GK5: variants seen among roughly 807,000 people sequenced by gnomAD.
GK5 encodes ATP:glycerol 3-phosphotransferase 5.
In GK5, 39 loss-of-function variants were observed where a neutral mutation model predicts 77.3. The ratio of observed to expected loss-of-function variants is 0.50; its 90% CI spans 0.39 to 0.66. GK5 has a LOEUF of 0.66. GK5 is among the 30% of genes least tolerant of loss of function. The pLI is 0.00. For synonymous variants in GK5, 211 were observed against 208.0 expected (o/e 1.01, Z -0.13); for missense variants, 487 against 633.8 (o/e 0.77, Z 2.49).
intron 8 of GK5, 49 bp downstream of exon 8, chr3:142,186,145 G>T: frequency 7.1e-6 from 9 of 1,271,308 alleles, no homozygotes; most frequent in Non-Finnish European, 1.0e-5. Context: ...GAAACAAAAT[G>T]AATTCAAGAA....
chr3:142,195,129 G>A (rs954782699), intron 5 of GK5, among the ~76,000 whole-genome samples: 1 of 151,286 alleles, frequency 6.6e-6, no homozygotes, highest in African/African-American at 2.4e-5. Flanking sequence ...ATGATCATGT[G>A]TTTTTTTGTC....
chr3:142,165,564 A>G lies in GK5; in HGVS notation c.*58T>C. ...GTCATATGGGTTATCCCTGAGCTTC[A>G]TCTCATCTGCACGTCACATAAACCA... On this transcript the variant is annotated 3_prime_UTR_variant, in exon 16 of 16. Transcript: ENST00000392993. 1 of 1,327,952 alleles carries G rather than the reference A, an allele frequency of 7.5e-7. No homozygotes were observed. 82.3% of individuals were successfully genotyped at this position (1,327,952 alleles called of 1,614,324 possible).
chr3:142,185,731 T>C, intron 9 of GK5, 198 bp downstream of exon 9: 1 of 1,536,570 alleles, frequency 6.5e-7, no homozygotes. Context: ...GATAGAATAC[T>C]GGCTCAATGG....
intron 15 of GK5, among the ~76,000 whole-genome samples, chr3:142,166,297 C>A (rs1297303977): frequency 2.6e-5 from 4 of 151,974 alleles, no homozygotes; most frequent in Non-Finnish European, 4.4e-5. Flanking sequence ...AGGATATTTT[C>A]TTTTTTATGC....
At chr3:142,183,711 C>T (rs896115043) in intron 9 of GK5, among the ~76,000 whole-genome samples, 9 of 151,914 alleles carry the variant, frequency 5.9e-5, no homozygotes, top group Admixed American at 1.3e-4. Context: ...CCACCTGCCC[C>T]GGCCTCCCAA....
chr3:142,220,544 A>C (rs1313689372), intron 1 of GK5, among the ~76,000 whole-genome samples: 2 of 152,018 alleles, frequency 1.3e-5, no homozygotes, highest in East Asian at 3.9e-4. Context: ...ACCTCTACTC[A>C]CCTTGGCTCC....
Position 142,165,760 on chromosome 3 carries a change from A to G in GK5, c.1452T>C (p.Thr484=), listed in dbSNP as rs1429647367. The change falls in exon 16 of 16, where the codon ACT becomes ACC. Residue 484 remains threonine, a synonymous_variant. Coordinates refer to ENST00000392993, the MANE Select transcript of GK5 (RefSeq NM_001039547.3). ...TCAGTTTCTTTAGTTCCTCCTTGTC[A>G]GTCCAAAACCCTATAGATAAAAAAA... ...SLAGLAVGFW[T]DKEELKKLRQ... 1.2e-6 allele frequency: 2 copies of G among 1,600,392 alleles called. No individual in the cohort carries two copies. Among genetic ancestry groups the G allele is most frequent in the Non-Finnish European group, 1.7e-6 (2 of 1,175,294 alleles).
chr3:142,177,605 C>T (rs772257445), intron 11 of GK5, 29 bp from the exon 12 acceptor site: 16 of 1,396,018 alleles, frequency 1.1e-5, no homozygotes, highest in Non-Finnish European at 1.5e-5. Flanking sequence ...AACAAAAAAC[C>T]CTAAAACAAA....
At chr3:142,185,610 G>A (rs1218610027) in intron 9 of GK5, 2 of 1,128,632 alleles carry the variant, frequency 1.8e-6, no homozygotes, top group East Asian at 6.5e-5. Flanking sequence ...TTGTCTCAGA[G>A]TACCAAATGT....
At chr3:142,207,232 G>T (rs2064122035) in intron 3 of GK5, among the ~76,000 whole-genome samples, 1 of 152,126 alleles carries the variant, frequency 6.6e-6, no homozygotes, top group Non-Finnish European at 1.5e-5. Context: ...GCATGAGGGG[G>T]GTGCCTATCC....
chr3:142,221,086 T>G (rs1043550109), intron 1 of GK5, among the ~76,000 whole-genome samples: 4 of 152,136 alleles, frequency 2.6e-5, no homozygotes, highest in Non-Finnish European at 5.9e-5. Context: ...TAAGGAAAAT[T>G]TCTAACATGT....
intron 5 of GK5, among the ~76,000 whole-genome samples, chr3:142,194,762 A>C (rs2063909480): frequency 6.6e-6 from 1 of 150,720 alleles, no homozygotes; most frequent in Non-Finnish European, 1.5e-5. Context: ...TATTAGTGCT[A>C]ATTTTTTTAG....
intron 5 of GK5, among the ~76,000 whole-genome samples, chr3:142,191,798 G>A (rs1280052630): frequency 6.6e-6 from 1 of 152,174 alleles, no homozygotes; most frequent in Non-Finnish European, 1.5e-5. Flanking sequence ...CTCAACCTGG[G>A]TGACAGAGTG....
Position 142,160,894 on chromosome 3 carries a change from A to AAATTT in GK5, c.*4723_*4727dup. 6.6e-6 allele frequency: 1 copy of AAATTT among 152,012 alleles called. No individual in the cohort carries two copies. The highest frequency in any genetic ancestry group is 2.1e-4 in the South Asian group (1 of 4,816). The allele number at this position is 152,012 out of a possible 1,614,324, so 9.4% of individuals were successfully genotyped here. On this transcript the variant is annotated 3_prime_UTR_variant, in exon 16 of 16. Coordinates refer to ENST00000392993, the MANE Select transcript of GK5 (RefSeq NM_001039547.3). ...CCACCACACCTGGCTAATTTAAAAA[A>AAATTT]AATTTTTTTGTAGAGACAAGGTCTC...
rs952049639 is a variant in GK5, at chr3:142,159,799, G to C, written c.*5823C>G. The C allele has an allele frequency of 4.6e-5, 7 of 150,600 alleles. No individual in the cohort carries two copies. The highest frequency in any genetic ancestry group is 1.7e-4 in the African/African-American group (7 of 40,672). 9.3% of individuals were successfully genotyped at this position (150,600 alleles called of 1,614,324 possible). On this transcript the variant is annotated 3_prime_UTR_variant, in exon 16 of 16. Transcript: ENST00000392993. ...ATAAGACGATTCTGGGACCAAGTAG[G>C]TTGTAAAGGCCCAAGGTATGTTTGG... is the stretch of plus-strand genomic sequence containing the variant.
intron 6 of GK5, among the ~76,000 whole-genome samples, chr3:142,187,330 G>A (rs901830615): frequency 6.6e-6 from 1 of 152,012 alleles, no homozygotes; most frequent in African/African-American, 2.4e-5. Context: ...CTGACCAGGT[G>A]CAGTGGCTTA....
intron 5 of GK5, among the ~76,000 whole-genome samples, chr3:142,190,146 T>A (rs2063828524): frequency 6.6e-6 from 1 of 152,014 alleles, no homozygotes; most frequent in South Asian, 2.1e-4. Context: ...TAATAGCACA[T>A]TAGAAACAAT....
chr3:142,219,193 C>G (rs1050923549), intron 1 of GK5, among the ~76,000 whole-genome samples: 2 of 152,158 alleles, frequency 1.3e-5, no homozygotes, highest in African/African-American at 4.8e-5. Context: ...AATCCCACTC[C>G]TAGGTATTTA....
intron 3 of GK5, among the ~76,000 whole-genome samples, chr3:142,212,271 A>G (rs1438001558): frequency 6.6e-6 from 1 of 152,098 alleles, no homozygotes; most frequent in Admixed American, 6.5e-5. Flanking sequence ...CAAGACACAG[A>G]GAAACACATG....
Sources: allele counts gnomAD v4.1 joint callset (sites outside exome capture counted in the v4.1 genomes callset), GRCh38; gene constraint gnomAD v4.1.1; transcripts MANE v1.5; gene names NCBI Gene and HGNC (gene_info 2026-07-23, HGNC 2026-07-21).